Variants in LDLRAD4 observed in about 807,000 individuals in gnomAD.
The protein encoded by LDLRAD4 is low-density lipoprotein receptor class A domain-containing protein 4.
A neutral mutation model predicts 17.0 loss-of-function variants in LDLRAD4; 5 were observed. The observed-to-expected ratio is 0.29, with a 90% CI of 0.15 to 0.62. The LOEUF (loss-of-function observed/expected upper bound fraction) is 0.62, where lower values mean the gene tolerates loss of function less well. Ranked by LOEUF, LDLRAD4 falls within the 20% of genes least tolerant of loss-of-function variation. The probability of loss-of-function intolerance (pLI) is 0.84; values close to 1 mark genes in which losing one functional copy is unlikely to be tolerated. For missense variants in LDLRAD4, 340 were observed against 424.7 expected (o/e 0.80, Z 1.75); for synonymous variants, 168 against 171.8 (o/e 0.98, Z 0.17).
intron 2 of LDLRAD4, among the ~76,000 whole-genome samples, chr18:13,434,538 A>G (rs911422233): frequency 2.6e-5 from 4 of 152,164 alleles, no homozygotes; most frequent in Non-Finnish European, 5.9e-5. Flanking sequence ...ATACTCAACA[A>G]GTTCCACAAA....
chr18:13,334,732 A>G (rs1038699329), intron 1 of LDLRAD4, among the ~76,000 whole-genome samples: 2 of 151,992 alleles, frequency 1.3e-5, no homozygotes, highest in Non-Finnish European at 2.9e-5. Context: ...TTATAGTACA[A>G]TCTTGAAAAC....
intron 1 of LDLRAD4, among the ~76,000 whole-genome samples, chr18:13,331,279 C>T (rs2081852179): frequency 6.6e-6 from 1 of 152,184 alleles, no homozygotes; most frequent in Non-Finnish European, 1.5e-5. Flanking sequence ...GGACAGTTCA[C>T]CCAGGGGGTG....
chr18:13,643,395 CGGCT>C lies in LDLRAD4; in HGVS notation c.376_379del (p.Leu126AlafsTer79). 8.5e-7 allele frequency: 1 copy of C among 1,171,684 alleles called. No individual in the cohort carries two copies. The highest frequency in any genetic ancestry group is 1.1e-6 in the Non-Finnish European group (1 of 933,478). 72.6% of individuals were successfully genotyped at this position (1,171,684 alleles called of 1,614,324 possible). A position where few individuals can be genotyped will look rare whatever the true frequency, so the allele number is the denominator to read the frequency against. On this transcript the variant is annotated frameshift_variant, in exon 5 of 6. Coordinates refer to ENST00000359446, the Ensembl canonical transcript of LDLRAD4. LOFTEE classifies it low-confidence loss of function (END_TRUNC). ...GTGGCCTTCAGACAGCGCCGCACCGCGGCTGGGCGCCTCGGAGGTAAGGGGCCCC... is the reference window on the plus strand; with the variant it reads ...GTGGCCTTCAGACAGCGCCGCACCGCGGGCGCCTCGGAGGTAAGGGGCCCC...
rs1272423575 is a variant in LDLRAD4, at chr18:13,645,114, C to CT, written c.391-9dup. On this transcript the variant is annotated splice_polypyrimidine_tract_variant and intron_variant, in intron 5 of 5. Transcript: ENST00000359446. The surrounding 1 kb of genome is among the most constrained non-coding windows in gnomAD (Gnocchi z 5.7). ...CTCAAACTGTCTTCAAGCCTCTCCT[C>CT]TTTTCCTTCCAGATCATGCATGCCC... 6.3e-7 allele frequency: 1 copy of CT among 1,594,388 alleles called. No homozygotes were observed. The highest frequency in any genetic ancestry group is 1.1e-5 in the South Asian group (1 of 89,150).
At chr18:13,375,741 G>C (rs1041257722) in intron 1 of LDLRAD4, among the ~76,000 whole-genome samples, 1 of 152,104 alleles carries the variant, frequency 6.6e-6, no homozygotes, top group Admixed American at 6.5e-5. Context: ...CCTTCCCTCT[G>C]TACAGTCAGG....
chr18:13,463,249 C>T (rs916116047), intron 3 of LDLRAD4, among the ~76,000 whole-genome samples: 83 of 152,192 alleles, frequency 5.5e-4, no homozygotes, highest in African/African-American at 1.9e-3. Context: ...TGCCAGGCTC[C>T]CTCCCTGTCC....
At chr18:13,407,397 C>G (rs1210484504) in intron 2 of LDLRAD4, among the ~76,000 whole-genome samples, 4 of 152,188 alleles carry the variant, frequency 2.6e-5, no homozygotes, top group African/African-American at 9.7e-5. Flanking sequence ...ATAGAATGCC[C>G]ACAGTGCTTA....
At chr18:13,534,571 A>ATT (rs2094175494) in intron 3 of LDLRAD4, among the ~76,000 whole-genome samples, 1 of 152,178 alleles carries the variant, frequency 6.6e-6, no homozygotes, top group Non-Finnish European at 1.5e-5. Flanking sequence ...AAAGAAAGTC[A>ATT]AAATAAACAC....
At chr18:13,455,771 T>G (rs772559990) in intron 3 of LDLRAD4, among the ~76,000 whole-genome samples, 1 of 152,020 alleles carries the variant, frequency 6.6e-6, no homozygotes, top group Non-Finnish European at 1.5e-5. Context: ...CCACACCGGG[T>G]GCCATTTCTG....
At chr18:13,449,916 G>A (rs1176753329) in intron 3 of LDLRAD4, among the ~76,000 whole-genome samples, 1 of 152,172 alleles carries the variant, frequency 6.6e-6, no homozygotes, top group Non-Finnish European at 1.5e-5. Context: ...GGCCGGGGTG[G>A]TGGCTGAGCC....
Position 13,236,307 on chromosome 18 carries a change from C to CT in LDLRAD4, c.-467+17338dup, listed in dbSNP as rs777785875. The stretch of plus-strand genomic sequence containing the variant: ...TTGCTTTGATCTAACAATAGAAAAA[C>CT]TTTTTTTTTTTTTTTTTTTGAGACA... On this transcript the variant is annotated intron_variant, in intron 1 of 5. Transcript: ENST00000399848. 364 of 113,362 alleles carry CT rather than the reference C, an allele frequency of 3.2e-3. 2 individuals carry two copies. Among genetic ancestry groups the CT allele is most frequent in the Middle Eastern group, 0.014 (3 of 218 alleles). The allele number at this position is 113,362 out of a possible 1,614,324, so 7.0% of individuals were successfully genotyped here. A position where few individuals can be genotyped will look rare whatever the true frequency, so the allele number is the denominator to read the frequency against.
intron 3 of LDLRAD4, among the ~76,000 whole-genome samples, chr18:13,589,488 C>T (rs1173104152): frequency 1.3e-5 from 2 of 152,108 alleles, no homozygotes; most frequent in East Asian, 1.9e-4. Context: ...GTTTCCGCTC[C>T]CATCACCGTG....
At chr18:13,390,337 C>G (rs1173304498) in intron 2 of LDLRAD4, among the ~76,000 whole-genome samples, 3 of 152,212 alleles carry the variant, frequency 2.0e-5, no homozygotes, top group African/African-American at 4.8e-5. Flanking sequence ...TGCCAGGTGT[C>G]ACACCAACAC....
chr18:13,248,846 G>T (rs1445625897), intron 1 of LDLRAD4, among the ~76,000 whole-genome samples: 1 of 152,100 alleles, frequency 6.6e-6, no homozygotes, highest in Non-Finnish European at 1.5e-5. Context: ...TAGAACACTA[G>T]AACTCCTATC....
At chr18:13,610,584 C>T (rs2039454012) in intron 3 of LDLRAD4, among the ~76,000 whole-genome samples, 1 of 152,008 alleles carries the variant, frequency 6.6e-6, no homozygotes, top group Non-Finnish European at 1.5e-5. Flanking sequence ...ACCGTGCCTG[C>T]CCCACAAAGC....
intron 3 of LDLRAD4, among the ~76,000 whole-genome samples, chr18:13,603,965 G>T (rs1367632106): frequency 1.3e-5 from 2 of 152,220 alleles, no homozygotes; most frequent in Non-Finnish European, 2.9e-5. Flanking sequence ...CCTCAGGCTG[G>T]AATTTTCTAA....
chr18:13,257,651 C>A (rs1245714325), intron 1 of LDLRAD4, among the ~76,000 whole-genome samples: 2 of 152,162 alleles, frequency 1.3e-5, no homozygotes, highest in Non-Finnish European at 2.9e-5. Flanking sequence ...AGCAGTGGCT[C>A]TCACCTGGGG....
intron 3 of LDLRAD4, among the ~76,000 whole-genome samples, chr18:13,608,620 T>C (rs1392760341): frequency 6.6e-6 from 1 of 152,198 alleles, no homozygotes; most frequent in Non-Finnish European, 1.5e-5. Flanking sequence ...CTGCCTCTTT[T>C]TGGCCATTCA....
At chr18:13,304,088 CG>C (rs1567986134) in intron 1 of LDLRAD4, among the ~76,000 whole-genome samples, 3 of 152,212 alleles carry the variant, frequency 2.0e-5, no homozygotes, top group African/African-American at 7.2e-5. Context: ...CTGGTCCCCC[CG>C]GGAGGCAGCC....
Sources: gnomAD v4.1 joint callset for allele counts (sites outside exome capture counted in the v4.1 genomes callset) on GRCh38, gnomAD v4.1.1 for gene constraint, Gnocchi (gnomAD v3.1) non-coding constraint, MANE v1.5 for transcripts, NCBI Gene and HGNC (gene_info 2026-07-23, HGNC 2026-07-21) for gene names.